KMT5B: variants seen among roughly 807,000 people sequenced by gnomAD.
The protein encoded by KMT5B is lysine methyltransferase 5B.
KMT5B carries 10 observed loss-of-function variants against 83.2 expected under a neutral mutation model. The observed-to-expected ratio is 0.12, with a 90% CI of 0.07 to 0.20. The LOEUF is 0.20. Among genes scored for constraint, KMT5B ranks in the 10% least tolerant of loss-of-function variants. KMT5B has a pLI of 1.00. For missense variants in KMT5B, 753 were observed against 1,067.2 expected, an observed-to-expected ratio of 0.71 and a Z score of 4.10; for synonymous variants, 349 against 388.8, an observed-to-expected ratio of 0.90 and a Z score of 1.20.
chr11:68,158,091 T>C lies in KMT5B; in HGVS notation c.2255A>G (p.Asp752Gly), dbSNP rs781610818. 6.2e-6 allele frequency: 10 copies of C among 1,614,244 alleles called. No homozygotes were observed. Among genetic ancestry groups the C allele is most frequent in the Admixed American group, 1.7e-5 (1 of 60,034 alleles). Residue 752 changes from aspartate to glycine, a missense_variant, in exon 11 of 11, where the codon GAC (aspartate) becomes GGC (glycine). This residue lies in a region of KMT5B where 161 missense variants were observed against 195.1 expected (regional missense o/e 0.83). Coordinates refer to ENST00000304363, the MANE Select transcript of KMT5B (RefSeq NM_017635.5). The stretch of plus-strand genomic sequence containing the variant: ...TGCTACATAGAGATTGTTATCGTTG[T>C]CATGGTCTTTGCTTAACTTGATGCT... The part of the protein sequence containing the change: ...KISIKLSKDH[D>G]NDNNLYVAKL...
intron 2 of KMT5B, among the ~76,000 whole-genome samples, chr11:68,186,445 A>T (rs149492598): frequency 6.6e-6 from 1 of 152,216 alleles, no homozygotes; most frequent in Non-Finnish European, 1.5e-5. Flanking sequence ...TTTGCAGGCA[A>T]CTGAGGCCCA....
At chr11:68,197,481 T>C (rs1038898092) in intron 1 of KMT5B, among the ~76,000 whole-genome samples, 2 of 152,138 alleles carry the variant, frequency 1.3e-5, no homozygotes, top group Non-Finnish European at 2.9e-5. Flanking sequence ...AATAAAAAAT[T>C]AAGGAAATTA....
chr11:68,165,890 A>G (rs769884487), intron 10 of KMT5B: 4 of 1,612,806 alleles, frequency 2.5e-6, no homozygotes, highest in East Asian at 4.5e-5. Context: ...TAGATTCAGG[A>G]ATTCATGGCA....
intron 4 of KMT5B, 68 bp from the exon 5 acceptor site, chr11:68,175,251 G>T: frequency 7.6e-7 from 1 of 1,307,862 alleles, no homozygotes; most frequent in Admixed American, 2.1e-5. Context: ...CATCTTAACA[G>T]ATCTTGAGAA....
In KMT5B at chr11:68,189,944, T is replaced by C; in HGVS notation, c.133A>G (p.Asn45Asp). Reference protein sequence around the residue: ...TGKDTLKAGKNAVERRSNRCN... With the variant: ...TGKDTLKAGKDAVERRSNRCN... ...CTGTTCGACCTCCTCTCGACTGCATTTTTGCCAGCCTTCAGGGTGTCCTTC... is the reference window on the plus strand; with the variant it reads ...CTGTTCGACCTCCTCTCGACTGCATCTTTGCCAGCCTTCAGGGTGTCCTTC... Residue 45 changes from asparagine to aspartate, a missense_variant, in exon 2 of 11, where the codon AAT (asparagine) becomes GAT (aspartate). By Grantham distance (23) the Asn-to-Asp change is conservative (BLOSUM62 1). Around this residue, in one of 9 missense-constraint regions of KMT5B, gnomAD observed 56 missense variants for 91.4 expected, o/e 0.61. Coordinates refer to ENST00000304363, the MANE Select transcript of KMT5B (RefSeq NM_017635.5). 6.2e-7 allele frequency: 1 copy of C among 1,614,202 alleles called. No individual in the cohort carries two copies. Among genetic ancestry groups the C allele is most frequent in the Non-Finnish European group, 8.5e-7 (1 of 1,180,034 alleles).
rs545959225 is a variant in KMT5B, at chr11:68,157,358, T to TA, written c.*329dup. The TA allele has an allele frequency of 6.1e-5, 12 of 195,372 alleles. No individual in the cohort carries two copies. In the East Asian group the frequency reaches 1.4e-3, roughly 23 times the overall value. 12.1% of individuals were successfully genotyped at this position (195,372 alleles called of 1,614,324 possible). On this transcript the variant is annotated 3_prime_UTR_variant, in exon 11 of 11. Coordinates refer to ENST00000304363, the MANE Select transcript of KMT5B (RefSeq NM_017635.5). ...AAGAGCCAGCTGATGCTCTTACAGT[T>TA]AAAAAAACTGTGTAGCCACATTACT...
Position 68,167,176 on chromosome 11 carries a change from C to T in KMT5B, c.980G>A (p.Arg327Gln). 1 of 1,606,394 alleles carries T rather than the reference C, an allele frequency of 6.2e-7. No homozygotes were observed. The highest frequency in any genetic ancestry group is 8.5e-7 in the Non-Finnish European group (1 of 1,175,878). The change falls in exon 10 of 11, where the codon CGG becomes CAG. Residue 327 changes from arginine to glutamine, a missense_variant and splice_region_variant. Physicochemically the swap from Arg to Gln is conservative, Grantham distance 43 (BLOSUM62 1). Coordinates refer to ENST00000304363, the MANE Select transcript of KMT5B (RefSeq NM_017635.5). ...TCTGGATTTAAAAGCACCAGTGCCC[C>T]GTCTGAAAGAGAAAATAGCACAGGT... The part of the protein sequence containing the change: ...EFCECYTCER[R>Q]GTGAFKSRVG...
intron 1 of KMT5B, among the ~76,000 whole-genome samples, chr11:68,194,359 T>C (rs1858460684): frequency 6.6e-6 from 1 of 151,990 alleles, no homozygotes; most frequent in Admixed American, 6.6e-5. Context: ...GCCCGCCTAA[T>C]TTTTGTATTT....
At chr11:68,184,851 A>C (rs1338811704) in intron 3 of KMT5B, among the ~76,000 whole-genome samples, 1 of 152,222 alleles carries the variant, frequency 6.6e-6, no homozygotes, top group Non-Finnish European at 1.5e-5. Flanking sequence ...ATGGTATTTA[A>C]GAGAATTAAA....
At chr11:68,160,180 G>A (rs928600052) in intron 10 of KMT5B, among the ~76,000 whole-genome samples, 3 of 152,174 alleles carry the variant, frequency 2.0e-5, no homozygotes, top group Non-Finnish European at 4.4e-5. Context: ...AAGGTGGATC[G>A]AATAGACGTG....
intron 9 of KMT5B, 101 bp downstream of exon 9, chr11:68,170,914 A>G: frequency 1.6e-6 from 2 of 1,273,240 alleles, no homozygotes; most frequent in African/African-American, 1.5e-5. Context: ...CATAAAGACT[A>G]TCTCTGCATT....
At position 68,157,548 on chromosome 11, in the gene KMT5B, C is replaced by G; in HGVS notation, c.*140G>C. ...CAGACTTAAGAATTGAGTCAGTATG[C>G]TGTACACTTTCTACAATAGTATGCT... On this transcript the variant is annotated 3_prime_UTR_variant, in exon 11 of 11. Coordinates refer to ENST00000304363, the MANE Select transcript of KMT5B (RefSeq NM_017635.5). 6 of 1,256,630 alleles carry G rather than the reference C, an allele frequency of 4.8e-6. No individual in the cohort carries two copies. The highest frequency in any genetic ancestry group is 6.2e-6 in the Non-Finnish European group (6 of 962,774). 77.8% of individuals were successfully genotyped at this position (1,256,630 alleles called of 1,614,324 possible).
intron 10 of KMT5B, chr11:68,165,868 C>G: frequency 2.5e-6 from 4 of 1,612,894 alleles, no homozygotes; most frequent in Non-Finnish European, 3.4e-6. Flanking sequence ...GACTCTGACT[C>G]CCAGCAGCAG....
At chr11:68,172,007 AAAGTACTC>A (rs3842248) in intron 6 of KMT5B, among the ~76,000 whole-genome samples, 67,222 of 151,142 alleles carry the variant, frequency 0.44, 15,508 homozygotes, top group East Asian at 0.64. Context: ...TTGCAAGCAG[AAAGTACTC>A]AAATACTTGC....
chr11:68,199,595 C>T (rs921001011), intron 1 of KMT5B, among the ~76,000 whole-genome samples: 3 of 152,160 alleles, frequency 2.0e-5, no homozygotes, highest in Non-Finnish European at 2.9e-5. Flanking sequence ...AGGAGTGACA[C>T]GATCCAACCC....
In KMT5B at chr11:68,156,696, TCAAAGA is replaced by T. The variant is rs1157227623; in HGVS notation, c.*986_*991del. 6.6e-6 allele frequency: 1 copy of T among 152,652 alleles called. No individual in the cohort carries two copies. Among genetic ancestry groups the T allele is most frequent in the Non-Finnish European group, 1.5e-5 (1 of 68,030 alleles). The allele number at this position is 152,652 out of a possible 1,614,324, so 9.5% of individuals were successfully genotyped here. On this transcript the variant is annotated 3_prime_UTR_variant, in exon 11 of 11. Coordinates refer to ENST00000304363, the MANE Select transcript of KMT5B (RefSeq NM_017635.5). Reference sequence around the variant, plus strand: ...TGTTTTCAGTTCTTTACATTGAATCTCAAAGACAAACTTTTTTTATAGGTTACCACA... The same window carrying T: ...TGTTTTCAGTTCTTTACATTGAATCTCAAACTTTTTTTATAGGTTACCACA...
At chr11:68,207,190 G>A (rs1051747324) in intron 1 of KMT5B, among the ~76,000 whole-genome samples, 12 of 151,036 alleles carry the variant, frequency 7.9e-5, no homozygotes, top group Non-Finnish European at 1.2e-4. Flanking sequence ...CTCCAGCCTC[G>A]GCGACAGAGC....
intron 1 of KMT5B, among the ~76,000 whole-genome samples, chr11:68,205,974 TG>T: frequency 6.6e-6 from 1 of 152,328 alleles, no homozygotes; most frequent in Non-Finnish European, 1.5e-5. Flanking sequence ...CAGCCAGACA[TG>T]TAAGAAACTC....
At chr11:68,200,227 G>A (rs1859264084) in intron 1 of KMT5B, among the ~76,000 whole-genome samples, 1 of 152,142 alleles carries the variant, frequency 6.6e-6, no homozygotes, top group African/African-American at 2.4e-5. Context: ...ACTGGGTGTC[G>A]GGGGCACTTT....
Sources: allele counts gnomAD v4.1 joint callset (sites outside exome capture counted in the v4.1 genomes callset), GRCh38; gene constraint gnomAD v4.1.1; regional missense constraint gnomAD v4.1.1; transcripts MANE v1.5; gene names NCBI Gene and HGNC (gene_info 2026-07-23, HGNC 2026-07-21).